FXR1: variants seen among roughly 807,000 people sequenced by gnomAD.
FXR1 encodes RNA-binding protein FXR1.
In FXR1, 15 loss-of-function variants were observed where a neutral mutation model predicts 84.0. The ratio of observed to expected loss-of-function variants is 0.18; its 90% CI spans 0.12 to 0.27. The LOEUF (loss-of-function observed/expected upper bound fraction) is 0.27, where lower values mean the gene tolerates loss of function less well. FXR1 is among the 10% of genes least tolerant of loss of function. The pLI is 1.00. For missense variants in FXR1, 480 were observed against 774.4 expected, an observed-to-expected ratio of 0.62 and a Z score of 4.51; for synonymous variants, 245 against 250.7, an observed-to-expected ratio of 0.98 and a Z score of 0.21.
chr3:180,967,200 AAAAAGT>A (rs1236959439), intron 13 of FXR1, among the ~76,000 whole-genome samples: 1 of 152,178 alleles, frequency 6.6e-6, no homozygotes, highest in Non-Finnish European at 1.5e-5. Context: ...TAAGAAAAGC[AAAAAGT>A]AAAAGTAGTT....
chr3:180,954,773 T>A (rs1722573791), intron 9 of FXR1, among the ~76,000 whole-genome samples: 2 of 152,136 alleles, frequency 1.3e-5, no homozygotes, highest in Admixed American at 1.3e-4. Context: ...ATGCGGCCTG[T>A]TCTGCCTTTA....
intron 9 of FXR1, among the ~76,000 whole-genome samples, chr3:180,954,600 T>C (rs947049875): frequency 6.6e-6 from 1 of 152,180 alleles, no homozygotes; most frequent in Admixed American, 6.5e-5. Flanking sequence ...GCAGTGACTA[T>C]ACTAAAAATT....
chr3:180,977,837 A>G lies in FXR1; in HGVS notation c.*1545A>G, dbSNP rs1714378240. The G allele has an allele frequency of 1.3e-5, 2 of 152,076 alleles. No individual in the cohort carries two copies. Among genetic ancestry groups the G allele is most frequent in the Non-Finnish European group, 2.9e-5 (2 of 67,966 alleles). The allele number at this position is 152,076 out of a possible 1,614,324, so 9.4% of individuals were successfully genotyped here. A position where few individuals can be genotyped will look rare whatever the true frequency, so the allele number is the denominator to read the frequency against. On this transcript the variant is annotated 3_prime_UTR_variant, in exon 17 of 17. Transcript: ENST00000357559. The stretch of plus-strand genomic sequence containing the variant: ...AAGGATAATTCAGGGTATAGTTAAA[A>G]ATGTACAATGTGCCAGTTCAGTATA...
chr3:180,945,096 T>G (rs1323489017), intron 3 of FXR1, among the ~76,000 whole-genome samples: 1 of 152,250 alleles, frequency 6.6e-6, no homozygotes, highest in African/African-American at 2.4e-5. Context: ...GATAGCAGAT[T>G]TAAAATATAT....
At chr3:180,950,695 T>G (rs952624766) in intron 7 of FXR1, among the ~76,000 whole-genome samples, 4 of 152,224 alleles carry the variant, frequency 2.6e-5, no homozygotes, top group Admixed American at 2.0e-4. Flanking sequence ...TGCTATAAAT[T>G]TGACTATTTT....
At chr3:180,919,286 T>C (rs985789018) in intron 1 of FXR1, among the ~76,000 whole-genome samples, 1 of 120,528 alleles carries the variant, frequency 8.3e-6, no homozygotes, top group Admixed American at 8.1e-5. Flanking sequence ...TTTTTTATTT[T>C]TGTTTTTTTT....
chr3:180,928,036 T>G (rs1719435084), intron 1 of FXR1, among the ~76,000 whole-genome samples: 1 of 152,076 alleles, frequency 6.6e-6, no homozygotes, highest in Non-Finnish European at 1.5e-5. Context: ...AGAAAGGCCT[T>G]CCTTACTGCA....
intron 1 of FXR1, among the ~76,000 whole-genome samples, chr3:180,926,107 T>C (rs1426477029): frequency 6.6e-6 from 1 of 152,218 alleles, no homozygotes; most frequent in Admixed American, 6.5e-5. Flanking sequence ...TTTTTCTTTT[T>C]TTAACACATT....
chr3:180,933,107 A>G (rs1720123770), intron 1 of FXR1: 1 of 474,564 alleles, frequency 2.1e-6, no homozygotes, highest in Non-Finnish European at 3.7e-6. Flanking sequence ...TACTTTTGCT[A>G]ATTCCCAGGT....
intron 3 of FXR1, among the ~76,000 whole-genome samples, chr3:180,938,849 T>G (rs1720817537): frequency 1.3e-5 from 2 of 151,748 alleles, no homozygotes; most frequent in Admixed American, 1.3e-4. Flanking sequence ...TGCCCAGCCC[T>G]GAGTTTTTAT....
chr3:180,964,674 TA>T (rs1712582544), intron 13 of FXR1, among the ~76,000 whole-genome samples: 51 of 15,700 alleles, frequency 3.2e-3, no homozygotes, highest in African/African-American at 5.9e-3. Flanking sequence ...GTAGTTGATT[TA>T]TATATATATA....
intron 1 of FXR1, among the ~76,000 whole-genome samples, chr3:180,923,220 C>G (rs972210560): frequency 2.0e-5 from 3 of 152,160 alleles, no homozygotes; most frequent in African/African-American, 7.2e-5. Flanking sequence ...TCCCTCACTT[C>G]TAGGATTGGG....
rs529224955 is a variant in FXR1 at position 180,939,781 on chromosome 3, C to CA, written c.198+4551dup. Among the ~76,000 whole-genome samples the CA allele has an allele frequency of 2.1e-3, 315 of 152,254 alleles. 2 individuals carry two copies. Among genetic ancestry groups the CA allele is most frequent in the Non-Finnish European group, 3.2e-3 (219 of 68,016 alleles). On this transcript the variant is annotated intron_variant, in intron 3 of 16. Transcript: ENST00000357559. ...GGTTTGGTCAGTTTTGTGCCAGACT[C>CA]ACAACATTCTTCTGCAGCTCTAGGA...
At chr3:180,929,038 C>T (rs941592480) in intron 1 of FXR1, among the ~76,000 whole-genome samples, 3 of 152,122 alleles carry the variant, frequency 2.0e-5, no homozygotes, top group African/African-American at 7.2e-5. Context: ...TCTCCTGCCT[C>T]AGCCTCCCAA....
chr3:180,968,428 T>G, intron 14 of FXR1, 174 bp downstream of exon 14: 2 of 577,214 alleles, frequency 3.5e-6, no homozygotes, highest in South Asian at 4.2e-5. Flanking sequence ...AGAGTGTTTC[T>G]CAGTGAAGGT....
chr3:180,944,880 C>T (rs1721533874), intron 3 of FXR1, among the ~76,000 whole-genome samples: 1 of 152,254 alleles, frequency 6.6e-6, no homozygotes, highest in African/African-American at 2.4e-5. Context: ...ACCTCAGCCT[C>T]CCAGAGTACT....
chr3:180,960,161 T>A (rs1711915174), intron 10 of FXR1, among the ~76,000 whole-genome samples: 1 of 152,094 alleles, frequency 6.6e-6, no homozygotes, highest in Non-Finnish European at 1.5e-5. Flanking sequence ...TTTAAAAATC[T>A]TCTTATTCAG....
chr3:180,968,040 T>C lies in FXR1; in HGVS notation c.1199-11T>C. 6.3e-7 allele frequency: 1 copy of C among 1,577,192 alleles called. No homozygotes were observed. On this transcript the variant is annotated splice_polypyrimidine_tract_variant and intron_variant, in intron 13 of 16. Transcript: ENST00000357559. ...GAAATCTAAGTGGTTTATGTTCTTT[T>C]CTTTTCCAAGGTACAAATTCTGAGC... is the stretch of plus-strand genomic sequence containing the variant.
At position 180,951,041 on chromosome 3, in the gene FXR1, C is replaced by T. The variant is rs368053410; in HGVS notation, c.631-257C>T. 4.6e-5 allele frequency among the ~76,000 whole-genome samples: 7 copies of T among 151,310 alleles called. 1 individual carries two copies. Among genetic ancestry groups the T allele is most frequent in the African/African-American group, 1.7e-4 (7 of 41,210 alleles). On this transcript the variant is annotated intron_variant, in intron 7 of 16. Coordinates refer to ENST00000357559, the MANE Select transcript of FXR1 (RefSeq NM_005087.4). ...CAGCCTGGGTAACATAGTGAGAGCT[C>T]GTCTCTACAAAAAATAAATTAAAAA... is the stretch of plus-strand genomic sequence containing the variant.
Sources: gnomAD v4.1 joint callset for allele counts (sites outside exome capture counted in the v4.1 genomes callset) on GRCh38, gnomAD v4.1.1 for gene constraint, MANE v1.5 for transcripts, NCBI Gene and HGNC (gene_info 2026-07-23, HGNC 2026-07-21) for gene names.